The following MSH3 variants were observed in gnomAD, a reference collection of about 807,000 sequenced individuals.
MSH3 encodes the protein mutS homolog 3, also known as DNA mismatch repair protein Msh3.
Under a neutral mutation model 123.3 loss-of-function variants are expected in MSH3, and 106 were observed. The observed-to-expected ratio is 0.86, with a 90% CI of 0.73 to 1.01. The LOEUF is 1.01. Ranked by LOEUF, MSH3 falls within the 50% of genes least tolerant of loss-of-function variation. The pLI is 0.00. For synonymous variants in MSH3, 515 were observed against 481.4 expected, an observed-to-expected ratio of 1.07 and a Z score of -0.91; for missense variants, 1,459 against 1,347.6, an observed-to-expected ratio of 1.08 and a Z score of -1.29.
At chr5:80,717,572 T>C (rs1750989270) in intron 8 of MSH3, among the ~76,000 whole-genome samples, 2 of 152,172 alleles carry the variant, frequency 1.3e-5, no homozygotes, top group African/African-American at 4.8e-5. Flanking sequence ...TTTAAGTTTT[T>C]TAAGGAACCT....
chr5:80,717,294 C>T lies in MSH3; in HGVS notation c.1341-8159C>T, dbSNP rs1750982595. Reference sequence around the variant, plus strand: ...AAAAAATTCTTTTAAGAGAGGGTGTCTTGCCCTGTCACCCAGGCTGGAATG... The same window carrying T: ...AAAAAATTCTTTTAAGAGAGGGTGTTTTGCCCTGTCACCCAGGCTGGAATG... On this transcript the variant is annotated intron_variant, in intron 8 of 23. Coordinates refer to ENST00000265081, the MANE Select transcript of MSH3 (RefSeq NM_002439.5). Among the ~76,000 whole-genome samples, 3 of 152,256 alleles carry T rather than the reference C, an allele frequency of 2.0e-5. No individual in the cohort carries two copies. The South Asian group carries it at 6.2e-4, about 32-fold the overall frequency.
At chr5:80,693,614 C>T (rs1750395419) in intron 8 of MSH3, among the ~76,000 whole-genome samples, 3 of 117,922 alleles carry the variant, frequency 2.5e-5, no homozygotes, top group African/African-American at 1.0e-4. Context: ...CATATATACA[C>T]ACACACATAT....
At chr5:80,739,575 G>A (rs1038918810) in intron 10 of MSH3, among the ~76,000 whole-genome samples, 1 of 152,192 alleles carries the variant, frequency 6.6e-6, no homozygotes, top group African/African-American at 2.4e-5. Flanking sequence ...ATAAATTGCT[G>A]TAATTCAAGA....
chr5:80,764,506 A>T (rs952968746), intron 13 of MSH3, among the ~76,000 whole-genome samples: 5 of 148,790 alleles, frequency 3.4e-5, no homozygotes, highest in Non-Finnish European at 5.9e-5. Context: ...ACGTGCCACC[A>T]TGCCCAGCTA....
At chr5:80,724,378 AAT>A (rs1743212911) in intron 8 of MSH3, among the ~76,000 whole-genome samples, 1 of 151,818 alleles carries the variant, frequency 6.6e-6, no homozygotes, top group Admixed American at 6.6e-5. Context: ...ATAATGTAGT[AAT>A]ATATAATGAG....
chr5:80,719,111 G>A (rs960177819), intron 8 of MSH3, among the ~76,000 whole-genome samples: 6 of 150,870 alleles, frequency 4.0e-5, no homozygotes, highest in East Asian at 1.9e-4. Context: ...ACAGTGGTGC[G>A]ATCTCGGCTC....
Position 80,741,562 on chromosome 5 carries a change from A to C in MSH3, c.1653+14A>C. 1 of 1,566,704 alleles carries C rather than the reference A, an allele frequency of 6.4e-7. No homozygotes were observed. The highest frequency in any genetic ancestry group is 8.8e-7 in the Non-Finnish European group (1 of 1,136,766). ...CTACAGAATCAGGTCAGGCAAATACAAGGGCTAGTTGATTATAAATCGTTT... is the reference window on the plus strand; with the variant it reads ...CTACAGAATCAGGTCAGGCAAATACCAGGGCTAGTTGATTATAAATCGTTT... On this transcript the variant is annotated intron_variant, in intron 11 of 23. Transcript: ENST00000265081.
In MSH3 at chr5:80,656,502, G is replaced by A. The variant is rs987869162; in HGVS notation, c.329G>A (p.Gly110Glu). 1 of 1,614,232 alleles carries A rather than the reference G, an allele frequency of 6.2e-7. No homozygotes were observed. The highest frequency in any genetic ancestry group is 8.5e-7 in the Non-Finnish European group (1 of 1,180,042). Residue 110 changes from glycine (G) to glutamate (E), a missense_variant, in exon 2 of 24, where the codon GGA becomes GAA. Gly to Glu is a moderately conservative substitution (Grantham distance 98). Transcript: ENST00000265081. The stretch of plus-strand genomic sequence containing the variant: ...AAGAAAGTCCAACAAAAGGAAGGAG[G>A]AAGTGATCTGGGAATGTCTGGCAAC... ...KVKKVQQKEG[G>E]SDLGMSGNSE... is the part of the protein sequence containing the mutation.
intron 8 of MSH3, among the ~76,000 whole-genome samples, chr5:80,693,908 C>T (rs1427830414): frequency 6.6e-6 from 1 of 152,180 alleles, no homozygotes; most frequent in East Asian, 1.9e-4. Context: ...GATCCTCCTG[C>T]CTTGGCCTCC....
chr5:80,775,864 CT>C, intron 16 of MSH3, 106 bp downstream of exon 16: 1 of 685,226 alleles, frequency 1.5e-6, no homozygotes, highest in Non-Finnish European at 2.6e-6. Flanking sequence ...AAAAGCAATT[CT>C]TTTTACTTAT....
chr5:80,850,837 C>T (rs543283248), intron 20 of MSH3, among the ~76,000 whole-genome samples: 20 of 152,188 alleles, frequency 1.3e-4, no homozygotes, highest in African/African-American at 4.8e-4. Context: ...GTCATTTTTC[C>T]TTATGTGTCC....
chr5:80,837,159 G>A (rs1041405178), intron 20 of MSH3, among the ~76,000 whole-genome samples: 4 of 152,164 alleles, frequency 2.6e-5, no homozygotes, highest in African/African-American at 7.2e-5. Flanking sequence ...TGACTCCATT[G>A]ATTTTAAAAT....
At chr5:80,867,712 C>A (rs1746130164) in intron 22 of MSH3, among the ~76,000 whole-genome samples, 1 of 152,106 alleles carries the variant, frequency 6.6e-6, no homozygotes, top group African/African-American at 2.4e-5. Flanking sequence ...TGCTTGTTGG[C>A]CATGTATATG....
At chr5:80,792,434 A>C (rs1561480205) in intron 18 of MSH3, among the ~76,000 whole-genome samples, 1 of 151,724 alleles carries the variant, frequency 6.6e-6, no homozygotes, top group African/African-American at 2.4e-5. Flanking sequence ...AAGAAAGAAA[A>C]GAAAAAAAAG....
chr5:80,827,008 A>G (rs992056782), intron 20 of MSH3, among the ~76,000 whole-genome samples: 1 of 152,212 alleles, frequency 6.6e-6, no homozygotes, highest in African/African-American at 2.4e-5. Flanking sequence ...AAATATTTCT[A>G]GACCCATATT....
At chr5:80,827,251 G>C (rs976203012) in intron 20 of MSH3, among the ~76,000 whole-genome samples, 3 of 152,212 alleles carry the variant, frequency 2.0e-5, no homozygotes, top group East Asian at 3.8e-4. Flanking sequence ...TTGATGAAAA[G>C]AGATATTTAC....
intron 19 of MSH3, among the ~76,000 whole-genome samples, chr5:80,805,174 G>A (rs1450944387): frequency 6.6e-6 from 1 of 152,216 alleles, no homozygotes; most frequent in Non-Finnish European, 1.5e-5. Flanking sequence ...AGCACTGAGT[G>A]TGTTGGTATT....
intron 8 of MSH3, among the ~76,000 whole-genome samples, chr5:80,686,826 T>C (rs1337478177): frequency 6.6e-6 from 1 of 152,216 alleles, no homozygotes; most frequent in Non-Finnish European, 1.5e-5. Flanking sequence ...TGTCAGTTAC[T>C]GGTTAATAAT....
At chr5:80,838,698 C>T (rs1745561001) in intron 20 of MSH3, among the ~76,000 whole-genome samples, 1 of 151,838 alleles carries the variant, frequency 6.6e-6, no homozygotes, top group Admixed American at 6.6e-5. Flanking sequence ...TTTTAATCAA[C>T]CTCTTCTTTT....
Sources: allele counts gnomAD v4.1 joint callset (sites outside exome capture counted in the v4.1 genomes callset), GRCh38; gene constraint gnomAD v4.1.1; transcripts MANE v1.5; gene names NCBI Gene and HGNC (gene_info 2026-07-23, HGNC 2026-07-21).